Variants in ITPKA observed in about 807,000 individuals in gnomAD.
ITPKA encodes the protein inositol-trisphosphate 3-kinase A, also known as IP3 3-kinase A.
A neutral mutation model predicts 40.7 loss-of-function variants in ITPKA; 16 were observed. The observed-to-expected ratio is 0.39, with a 90% CI of 0.27 to 0.60. The LOEUF (loss-of-function observed/expected upper bound fraction) is 0.60, where lower values mean the gene tolerates loss of function less well. Among genes scored for constraint, ITPKA ranks in the 20% least tolerant of loss-of-function variants. The pLI, the probability that ITPKA is intolerant of heterozygous loss-of-function variation, is 0.50. For synonymous variants in ITPKA, 313 were observed against 289.9 expected (o/e 1.08, Z -0.81); for missense variants, 540 against 649.3 (o/e 0.83, Z 1.83).
chr15:41,502,616 G>T, intron 5 of ITPKA, 113 bp downstream of exon 5: 1 of 913,896 alleles, frequency 1.1e-6, no homozygotes, highest in Non-Finnish European at 1.7e-6. Context: ...TCACCGCGCT[G>T]GCTCGCAACT....
In ITPKA at chr15:41,493,942, G is replaced by A; in HGVS notation, c.15G>A (p.Gly5=). ...GGCACTGGGAAATGACCCTGCCCGG[G>A]GGCCCAACGGGCATGGCGCGGCCGG... The part of the protein sequence containing the change: MTLP[G]GPTGMARPGG... The change falls in exon 1 of 7, where the codon GGG becomes GGA. Residue 5 remains glycine, a synonymous_variant. Transcript: ENST00000260386. 9.7e-7 allele frequency: 1 copy of A among 1,027,436 alleles called. No homozygotes were observed. Among genetic ancestry groups the A allele is most frequent in the Non-Finnish European group, 1.2e-6 (1 of 857,208 alleles). 63.6% of individuals were successfully genotyped at this position (1,027,436 alleles called of 1,614,324 possible). A position where few individuals can be genotyped will look rare whatever the true frequency, so the allele number is the denominator to read the frequency against.
At chr15:41,496,634 C>G (rs2051074383) in intron 1 of ITPKA, among the ~76,000 whole-genome samples, 1 of 152,194 alleles carries the variant, frequency 6.6e-6, no homozygotes, top group Non-Finnish European at 1.5e-5. Context: ...TCCTGTTCAT[C>G]TGGTTTTCTT....
rs1478499155 is a variant in ITPKA, at chr15:41,493,966, G to A, written c.39G>A (p.Pro13=). The A allele has an allele frequency of 9.5e-7, 1 of 1,057,464 alleles. No individual in the cohort carries two copies. 65.5% of individuals were successfully genotyped at this position (1,057,464 alleles called of 1,614,324 possible). ...LPGGPTGMAR[P]GGARPCSPGL... Reference sequence around the variant, plus strand: ...GGGGCCCAACGGGCATGGCGCGGCCGGGGGGCGCGAGGCCCTGCAGCCCGG... The same window carrying A: ...GGGGCCCAACGGGCATGGCGCGGCCAGGGGGCGCGAGGCCCTGCAGCCCGG... Residue 13 remains proline, a synonymous_variant, in exon 1 of 7, where the codon CCG becomes CCA. Coordinates refer to ENST00000260386, the MANE Select transcript of ITPKA (RefSeq NM_002220.3).
chr15:41,503,170 T>G lies in ITPKA; in HGVS notation c.*4T>G. On this transcript the variant is annotated 3_prime_UTR_variant, in exon 7 of 7. Coordinates refer to ENST00000260386, the MANE Select transcript of ITPKA (RefSeq NM_002220.3). ...GGCCAGCCTGGCTGAGAGATGAGGC[T>G]GGACTCCTGTCCCCGCGGGCCGCTC... is the stretch of plus-strand genomic sequence containing the variant. 1 of 1,573,722 alleles carries G rather than the reference T, an allele frequency of 6.4e-7. No individual in the cohort carries two copies. Among genetic ancestry groups the G allele is most frequent in the Non-Finnish European group, 8.7e-7 (1 of 1,152,628 alleles).
chr15:41,495,150 C>G (rs2051061951), intron 1 of ITPKA, among the ~76,000 whole-genome samples: 1 of 152,254 alleles, frequency 6.6e-6, no homozygotes, highest in Admixed American at 6.5e-5. Context: ...GTCTGACCCT[C>G]GGAAAACACA....
At chr15:41,495,679 C>A (rs1024865294) in intron 1 of ITPKA, among the ~76,000 whole-genome samples, 1 of 152,302 alleles carries the variant, frequency 6.6e-6, no homozygotes, top group East Asian at 1.9e-4. Context: ...TTGCCTAGGT[C>A]GGGGGGCGGA....
In ITPKA at chr15:41,501,986, C is replaced by T. The variant is rs749678304; in HGVS notation, c.804-11C>T. On this transcript the variant is annotated splice_polypyrimidine_tract_variant and intron_variant, in intron 3 of 6. Transcript: ENST00000260386. The stretch of plus-strand genomic sequence containing the variant: ...CCCCTCATGCCCTGGCCGCTGCCTG[C>T]GCCCCCACAGGACTTACCTAGAGGA... 11 of 1,609,756 alleles carry T rather than the reference C, an allele frequency of 6.8e-6. No individual in the cohort carries two copies. The highest frequency in any genetic ancestry group is 2.2e-5 in the East Asian group (1 of 44,788).
At position 41,503,055 on chromosome 15, in the gene ITPKA, T is replaced by G; in HGVS notation, c.1275T>G (p.Asp425Glu). 6.2e-7 allele frequency: 1 copy of G among 1,610,348 alleles called. No individual in the cohort carries two copies. Among genetic ancestry groups the G allele is most frequent in the African/African-American group, 1.3e-5 (1 of 74,920 alleles). Residue 425 changes from aspartate (D) to glutamate (E), a missense_variant, in exon 7 of 7, where the codon GAT (aspartate) becomes GAG (glutamate). Transcript: ENST00000260386. ...TCGGCAAGACCACGCCCCTCCCCGA[T>G]GGCCAGATCCTGGACCACCGGCGGC... ...IDFGKTTPLP[D>E]GQILDHRRPW...
At position 41,493,925 on chromosome 15, in the gene ITPKA, GA is replaced by G; in HGVS notation, c.1del. 1 of 1,018,240 alleles carries G rather than the reference GA, an allele frequency of 9.8e-7. No homozygotes were observed. Among genetic ancestry groups the G allele is most frequent in the Non-Finnish European group, 1.2e-6 (1 of 852,394 alleles). 63.1% of individuals were successfully genotyped at this position (1,018,240 alleles called of 1,614,324 possible). ...GGCTCAGCGGCGGCGCCGGCACTGG[GA>G]AATGACCCTGCCCGGGGGCCCAACG... On this transcript the variant is annotated 5_prime_UTR_variant, in exon 1 of 7. Transcript: ENST00000260386.
Position 41,501,683 on chromosome 15 carries a change from C to T in ITPKA, c.635C>T (p.Ser212Leu). 2 of 1,609,730 alleles carry T rather than the reference C, an allele frequency of 1.2e-6. No individual in the cohort carries two copies. The highest frequency in any genetic ancestry group is 1.1e-5 in the South Asian group (1 of 90,712). ...AGCGGGCTGATCCTGAAGCGCTGCT[C>T]GGAGCCGGAGCGCTACTGCCTGGCG... The part of the protein sequence containing the change: ...GTSGLILKRC[S>L]EPERYCLARL... The change falls in exon 3 of 7, where the codon TCG becomes TTG. Residue 212 changes from serine (S) to leucine (L), a missense_variant. Ser to Leu is a moderately radical substitution (Grantham distance 145). Transcript: ENST00000260386.
chr15:41,502,571 G>T, intron 5 of ITPKA, 68 bp downstream of exon 5: 1 of 1,026,716 alleles, frequency 9.7e-7, no homozygotes, highest in Admixed American at 1.8e-5. Flanking sequence ...CTGTCATCTG[G>T]CCCAGTGCCC....
Position 41,494,494 on chromosome 15 carries a change from C to T in ITPKA, c.489+78C>T. 1.0e-6 allele frequency: 1 copy of T among 993,948 alleles called. No homozygotes were observed. The highest frequency in any genetic ancestry group is 1.7e-5 in the African/African-American group (1 of 58,118). The allele number at this position is 993,948 out of a possible 1,614,324, so 61.6% of individuals were successfully genotyped here. On this transcript the variant is annotated intron_variant, in intron 1 of 6. Transcript: ENST00000260386. This position sits in a 1 kb window ranked among gnomAD's most constrained non-coding sequence, Gnocchi z 7.8. ...CCTGGCTGGGTGCTCCCGGAGGACCCGCTCCTGTCCATGCTCCCTCCAGCG... is the reference window on the plus strand; with the variant it reads ...CCTGGCTGGGTGCTCCCGGAGGACCTGCTCCTGTCCATGCTCCCTCCAGCG...
Position 41,494,576 on chromosome 15 carries a change from C to CCGACCTCTCGCCTGGG in ITPKA, c.489+162_489+177dup, listed in dbSNP as rs1295164230. The stretch of plus-strand genomic sequence containing the variant: ...CTGGGGGTCAGAGGGAGGCGCCTGG[C>CCGACCTCTCGCCTGGG]CGACCTCTCGCCTGGGCAACTTTCA... On this transcript the variant is annotated intron_variant, in intron 1 of 6. Coordinates refer to ENST00000260386, the MANE Select transcript of ITPKA (RefSeq NM_002220.3). The surrounding 1 kb of genome is among the most constrained non-coding windows in gnomAD (Gnocchi z 7.8). Among the ~76,000 whole-genome samples the CCGACCTCTCGCCTGGG allele has an allele frequency of 1.3e-5, 2 of 152,178 alleles. No individual in the cohort carries two copies. Among genetic ancestry groups the CCGACCTCTCGCCTGGG allele is most frequent in the Admixed American group, 6.5e-5 (1 of 15,284 alleles).
At chr15:41,502,672 G>A (rs2051126295) in intron 5 of ITPKA, 116 bp from the exon 6 acceptor site, 1 of 1,088,130 alleles carries the variant, frequency 9.2e-7, no homozygotes, top group African/African-American at 1.6e-5. Context: ...GGGGCCCTGG[G>A]TCCTCCTCCT....
intron 1 of ITPKA, among the ~76,000 whole-genome samples, chr15:41,497,288 G>C (rs1352872483): frequency 6.6e-6 from 1 of 152,192 alleles, no homozygotes; most frequent in Non-Finnish European, 1.5e-5. Flanking sequence ...TTCATGGAGG[G>C]AGGCCCGAGC....
rs1430967974 is a variant in ITPKA, at chr15:41,501,860, G to C, written c.803+9G>C. ...TGCAAAATGGGCGTCAGGTATGCGT[G>C]CCCTGCCAGGTCGGTTGGGGGGATC... On this transcript the variant is annotated intron_variant, in intron 3 of 6. Transcript: ENST00000260386. The C allele has an allele frequency of 6.2e-7, 1 of 1,611,482 alleles. No individual in the cohort carries two copies. The highest frequency in any genetic ancestry group is 1.7e-5 in the Admixed American group (1 of 59,950).
At position 41,503,467 on chromosome 15, in the gene ITPKA, G is replaced by A; in HGVS notation, c.*301G>A. 1 of 630,706 alleles carries A rather than the reference G, an allele frequency of 1.6e-6. No homozygotes were observed. The highest frequency in any genetic ancestry group is 1.4e-5 in the South Asian group (1 of 69,384). 39.1% of individuals were successfully genotyped at this position (630,706 alleles called of 1,614,324 possible). ...CCCTCTCCAGAGGTGCCAGACCGCG[G>A]ATTTTATTTAGCAAGCCCAGACCTT... On this transcript the variant is annotated 3_prime_UTR_variant, in exon 7 of 7. Transcript: ENST00000260386.
In ITPKA at chr15:41,502,382, C is replaced by T; in HGVS notation, c.1009-20C>T. On this transcript the variant is annotated intron_variant, in intron 4 of 6. Coordinates refer to ENST00000260386, the MANE Select transcript of ITPKA (RefSeq NM_002220.3). ...CCACTGGCGGGCCCGGGGCCCCTGA[C>T]ACTCCTGTCCCACATCCAGAAAGCG... The T allele has an allele frequency of 6.4e-7, 1 of 1,556,898 alleles. No homozygotes were observed. Among genetic ancestry groups the T allele is most frequent in the East Asian group, 2.3e-5 (1 of 44,014 alleles).
Position 41,494,295 on chromosome 15 carries a change from C to T in ITPKA, c.368C>T (p.Ser123Leu). 1 of 1,546,602 alleles carries T rather than the reference C, an allele frequency of 6.5e-7. No homozygotes were observed. Among genetic ancestry groups the T allele is most frequent in the South Asian group, 1.2e-5 (1 of 83,644 alleles). Reference protein sequence around the residue: ...HLQQPRRLSTSSVSSTGSSSL... With the variant: ...HLQQPRRLSTLSVSSTGSSSL... ...CAGCAGCCGCGCCGCCTTTCCACCT[C>T]GTCGGTCTCCTCCACTGGCTCCTCG... Residue 123 changes from serine (S) to leucine (L), a missense_variant, in exon 1 of 7, where the codon TCG (serine) becomes TTG (leucine). By Grantham distance (145) the Ser-to-Leu change is moderately radical. Transcript: ENST00000260386. The surrounding 1 kb of genome is among the most constrained non-coding windows in gnomAD (Gnocchi z 7.8).
Sources: allele counts gnomAD v4.1 joint callset (sites outside exome capture counted in the v4.1 genomes callset), GRCh38; gene constraint gnomAD v4.1.1; non-coding constraint Gnocchi (gnomAD v3.1); transcripts MANE v1.5; gene names NCBI Gene and HGNC (gene_info 2026-07-23, HGNC 2026-07-21).